The following MACF1 variants were observed in gnomAD, a reference collection of about 807,000 sequenced individuals.
MACF1 encodes microtubule-actin cross-linking factor 1.
In MACF1, 193 loss-of-function variants were observed where a neutral mutation model predicts 854.8. That is an observed-to-expected ratio of 0.23 (90% CI 0.20 to 0.25). The LOEUF (loss-of-function observed/expected upper bound fraction) is 0.25. MACF1 is among the 10% of genes least tolerant of loss of function. The pLI, the probability that MACF1 is intolerant of heterozygous loss-of-function variation, is 1.00. For missense variants in MACF1, 7,722 were observed against 8,929.1 expected (o/e 0.86, Z 5.45); for synonymous variants, 3,185 against 3,226.7 (o/e 0.99, Z 0.44).
chr1:39,088,066 G>C (rs766435733), intron 2 of MACF1, among the ~76,000 whole-genome samples: 7 of 152,086 alleles, frequency 4.6e-5, no homozygotes, highest in Non-Finnish European at 1.0e-4. Flanking sequence ...TCCGCCCCCT[G>C]GTTTCACGCC....
At chr1:39,151,947 A>G (rs1032231835) in intron 2 of MACF1, among the ~76,000 whole-genome samples, 2 of 152,050 alleles carry the variant, frequency 1.3e-5, no homozygotes, top group Non-Finnish European at 2.9e-5. Flanking sequence ...TTCAGAACTC[A>G]CATTCTTGTC....
chr1:39,105,788 C>G lies in MACF1; in HGVS notation c.220+21350C>G, dbSNP rs1294486981. On this transcript the variant is annotated intron_variant, in intron 2 of 93. Coordinates refer to the MACF1 transcript ENST00000361689. The surrounding 1 kb of genome is among the most constrained non-coding windows in gnomAD (Gnocchi z 5.9). ...GCGTGGCCTTCGGAGCCGGTCGGCTCGGCGGCTGCAGGTGGGGCGGCCGGG... is the reference window on the plus strand; with the variant it reads ...GCGTGGCCTTCGGAGCCGGTCGGCTGGGCGGCTGCAGGTGGGGCGGCCGGG... 1.2e-5 allele frequency: 12 copies of G among 1,010,392 alleles called. No homozygotes were observed. The highest frequency in any genetic ancestry group is 2.2e-4 in the East Asian group (2 of 9,238). The allele number at this position is 1,010,392 out of a possible 1,614,324, so 62.6% of individuals were successfully genotyped here.
chr1:39,114,137 A>G (rs1642485549), intron 2 of MACF1, among the ~76,000 whole-genome samples: 1 of 149,566 alleles, frequency 6.7e-6, no homozygotes, highest in South Asian at 2.1e-4. Context: ...ACCCCCACCC[A>G]ACAACCACAG....
At chr1:39,380,004 CT>C (rs1394320447) in intron 54 of MACF1, among the ~76,000 whole-genome samples, 4 of 152,166 alleles carry the variant, frequency 2.6e-5, no homozygotes, top group Non-Finnish European at 5.9e-5. Flanking sequence ...ATAATTCCTT[CT>C]TATTGAGTTC....
chr1:39,292,108 A>G lies in MACF1; in HGVS notation c.1914+70A>G. On this transcript the variant is annotated intron_variant, in intron 16 of 100. Transcript: ENST00000564288. ...AACGGATGAAAGGACAGTACACACA[A>G]TAAAGCTGTATTGAAGGAGGAGGGT... The G allele has an allele frequency of 2.6e-6, 4 of 1,545,052 alleles. 1 individual carries two copies. The highest frequency in any genetic ancestry group is 3.5e-6 in the Non-Finnish European group (4 of 1,137,718).
intron 49 of MACF1, among the ~76,000 whole-genome samples, chr1:39,362,155 T>C (rs142660405): frequency 3.9e-5 from 6 of 152,364 alleles, no homozygotes; most frequent in African/African-American, 1.4e-4. Flanking sequence ...ACCACAGATA[T>C]ATATCCAGAA....
At chr1:39,324,531 A>G (rs1210574089) in intron 34 of MACF1, 115 bp from the exon 35 acceptor site, 4 of 1,053,386 alleles carry the variant, frequency 3.8e-6, no homozygotes, top group Admixed American at 5.4e-5. Flanking sequence ...CATTGGTGAT[A>G]ATAATTTGAC....
At chr1:39,194,317 ATTTCTTTTCTTTTCTTTTCT>A (rs138791842) in intron 2 of MACF1, among the ~76,000 whole-genome samples, 31 of 105,470 alleles carry the variant, frequency 2.9e-4, no homozygotes, top group Non-Finnish European at 3.7e-4. Context: ...CAGAAGTGGA[ATTTCTTTTCTTTTCTTTTCT>A]TTTCTTTTCT....
intron 2 of MACF1, among the ~76,000 whole-genome samples, chr1:39,139,590 T>C (rs1349417868): frequency 6.6e-6 from 1 of 152,156 alleles, no homozygotes; most frequent in East Asian, 1.9e-4. Flanking sequence ...CTAGCTTTCC[T>C]GCTTTCATGC....
Position 39,229,927 on chromosome 1 carries a change from G to T in MACF1, c.110-1255G>T, listed in dbSNP as rs935808637. Among the ~76,000 whole-genome samples the T allele has an allele frequency of 4.9e-4, 75 of 152,212 alleles. 1 individual carries two copies. The highest frequency in any genetic ancestry group is 3.1e-4 in the Non-Finnish European group (21 of 68,018). On this transcript the variant is annotated intron_variant, in intron 1 of 100. Coordinates refer to ENST00000564288, the MANE Select transcript of MACF1 (RefSeq NM_001394062.1). Reference sequence around the variant, plus strand: ...CTGGCCAATTTTTGTATTTTTAGCAGAGGTGGGGTTTTACCATGTTGGCCA... The same window carrying T: ...CTGGCCAATTTTTGTATTTTTAGCATAGGTGGGGTTTTACCATGTTGGCCA...
intron 1 of MACF1, among the ~76,000 whole-genome samples, chr1:39,227,817 A>G (rs533260877): frequency 6.6e-6 from 1 of 152,272 alleles, no homozygotes; most frequent in Admixed American, 6.5e-5. Context: ...ATTAGCTATA[A>G]CTTTATGTAG....
intron 58 of MACF1, among the ~76,000 whole-genome samples, chr1:39,399,009 T>C (rs1642374114): frequency 6.6e-6 from 1 of 152,216 alleles, no homozygotes; most frequent in South Asian, 2.1e-4. Context: ...TGTGATTGGA[T>C]AGCTAGCATA....
Position 39,350,958 on chromosome 1 carries a change from T to G in MACF1, c.11139T>G (p.Arg3713=). The change falls in exon 43 of 101, where the codon CGT becomes CGG. Residue 3713 remains arginine (R), a synonymous_variant. Coordinates refer to ENST00000564288, the MANE Select transcript of MACF1 (RefSeq NM_001394062.1). The part of the protein sequence containing the change: ...EQYEALQEET[R]VAQKELEEAV... ...ATGAGGCGCTCCAGGAAGAGACACG[T>G]GTGGCCCAGAAGGAACTGGAGGAAG... is the stretch of plus-strand genomic sequence containing the variant. The G allele has an allele frequency of 6.2e-7, 1 of 1,614,078 alleles. No individual in the cohort carries two copies. Among genetic ancestry groups the G allele is most frequent in the Non-Finnish European group, 8.5e-7 (1 of 1,179,994 alleles).
Position 39,291,890 on chromosome 1 carries a change from A to AT in MACF1, c.1786-19dup. The AT allele has an allele frequency of 6.2e-7, 1 of 1,608,526 alleles. No homozygotes were observed. The highest frequency in any genetic ancestry group is 1.3e-5 in the African/African-American group (1 of 74,816). ...AAGCCAGCAGTAAATTATGTCATAT[A>AT]TATATTTTTTCTTTTTCAGATGAAA... On this transcript the variant is annotated intron_variant, in intron 15 of 100. Coordinates refer to ENST00000564288, the MANE Select transcript of MACF1 (RefSeq NM_001394062.1).
chr1:39,232,773 GTTTGTTTC>G (rs1644798381), intron 2 of MACF1, among the ~76,000 whole-genome samples: 1 of 118,132 alleles, frequency 8.5e-6, no homozygotes. Flanking sequence ...TTTTTTGTTT[GTTTGTTTC>G]TTTGTTTGTT....
intron 2 of MACF1, among the ~76,000 whole-genome samples, chr1:39,231,612 G>A (rs1005669992): frequency 2.0e-5 from 3 of 152,134 alleles, no homozygotes; most frequent in Non-Finnish European, 4.4e-5. Context: ...GGAGGCAGAG[G>A]CTGAAGATAC....
chr1:39,375,634 A>G (rs935216966), intron 52 of MACF1, among the ~76,000 whole-genome samples: 7 of 152,190 alleles, frequency 4.6e-5, no homozygotes, highest in Non-Finnish European at 8.8e-5. Flanking sequence ...GTTTGGTTTC[A>G]TTGTATCCAG....
chr1:39,222,234 C>T (rs1644662361), intron 1 of MACF1, among the ~76,000 whole-genome samples: 1 of 152,222 alleles, frequency 6.6e-6, no homozygotes, highest in South Asian at 2.1e-4. Flanking sequence ...AAGTGACCCT[C>T]CCACCTCAGC....
chr1:39,199,754 G>T (rs1186470126), upstream of MACF1, among the ~76,000 whole-genome samples: 1 of 152,076 alleles, frequency 6.6e-6, no homozygotes, highest in African/African-American at 2.4e-5. Context: ...CACAGCAAGG[G>T]GTGTGTCATA....
Sources: allele counts gnomAD v4.1 joint callset (sites outside exome capture counted in the v4.1 genomes callset), GRCh38; gene constraint gnomAD v4.1.1; non-coding constraint Gnocchi (gnomAD v3.1); transcripts MANE v1.5; gene names NCBI Gene and HGNC (gene_info 2026-07-23, HGNC 2026-07-21).